PTPRD: variants seen among roughly 807,000 people sequenced by gnomAD.
The protein encoded by PTPRD is protein tyrosine phosphatase receptor type D, also known as receptor-type tyrosine-protein phosphatase delta.
Under a neutral mutation model 214.5 loss-of-function variants are expected in PTPRD, and 34 were observed. That is an observed-to-expected ratio of 0.16 (90% CI 0.12 to 0.21). PTPRD has a LOEUF of 0.21. PTPRD is among the 10% of genes least tolerant of loss of function. PTPRD has a pLI of 1.00. For synonymous variants in PTPRD, 1,128 were observed against 845.7 expected (o/e 1.33, Z -5.79); for missense variants, 2,545 against 2,398.7 (o/e 1.06, Z -1.27).
chr9:10,400,352 T>A (rs1188436053), intron 2 of PTPRD, among the ~76,000 whole-genome samples: 1 of 151,850 alleles, frequency 6.6e-6, no homozygotes, highest in Non-Finnish European at 1.5e-5. Context: ...TCATTTTCTC[T>A]AGTCAAGACA....
chr9:8,451,934 C>T (rs2095972392), intron 33 of PTPRD: 1 of 487,428 alleles, frequency 2.1e-6, no homozygotes, highest in South Asian at 1.5e-5. Context: ...TTCTTTTTCC[C>T]TGTGGCTGGG....
chr9:9,407,189 G>C (rs762021452), intron 8 of PTPRD, among the ~76,000 whole-genome samples: 6 of 151,676 alleles, frequency 4.0e-5, no homozygotes, highest in Non-Finnish European at 8.9e-5. Context: ...TCACCTAAAA[G>C]CATGTCTGTT....
intron 5 of PTPRD, among the ~76,000 whole-genome samples, chr9:9,814,861 A>G (rs2821483): frequency 0.57 from 81,905 of 144,404 alleles, 26,115 homozygotes; most frequent in East Asian, 0.89. Flanking sequence ...GTACAGTGGC[A>G]CGATCACGGT....
intron 34 of PTPRD, among the ~76,000 whole-genome samples, chr9:8,439,974 G>C (rs1370228095): frequency 1.3e-5 from 1 of 75,552 alleles, no homozygotes; most frequent in Non-Finnish European, 2.5e-5. Context: ...TTTGCAGGCT[G>C]TACACCAGAC....
chr9:8,594,548 C>G (rs1461630956), intron 14 of PTPRD, among the ~76,000 whole-genome samples: 4 of 152,020 alleles, frequency 2.6e-5, no homozygotes, highest in African/African-American at 4.8e-5. Flanking sequence ...CCCCACATGT[C>G]GAGGGAGGGA....
chr9:8,690,090 A>C (rs959594477), intron 12 of PTPRD, among the ~76,000 whole-genome samples: 1 of 149,674 alleles, frequency 6.7e-6, no homozygotes, highest in Admixed American at 6.7e-5. Context: ...CCTAGGAGTT[A>C]CAGCGAGACT....
At chr9:8,841,495 C>T (rs1033898117) in intron 11 of PTPRD, among the ~76,000 whole-genome samples, 1 of 151,736 alleles carries the variant, frequency 6.6e-6, no homozygotes, top group African/African-American at 2.4e-5. Flanking sequence ...TCTGAGCAAA[C>T]ATGAGATTAT....
At chr9:9,494,237 A>T (rs1425042022) in intron 8 of PTPRD, among the ~76,000 whole-genome samples, 1 of 152,248 alleles carries the variant, frequency 6.6e-6, no homozygotes, top group East Asian at 1.9e-4. Context: ...TATTTTTGAC[A>T]TGGCAACAAA....
intron 11 of PTPRD, among the ~76,000 whole-genome samples, chr9:8,926,682 G>A (rs1373945387): frequency 6.6e-6 from 1 of 152,108 alleles, no homozygotes; most frequent in Admixed American, 6.6e-5. Context: ...TATTCTGTCA[G>A]GATTTGTATT....
intron 7 of PTPRD, among the ~76,000 whole-genome samples, chr9:9,724,211 G>T (rs1205528318): frequency 6.6e-6 from 1 of 152,068 alleles, no homozygotes; most frequent in Non-Finnish European, 1.5e-5. Context: ...CTTTAAAGTT[G>T]TCTCTGTTTC....
chr9:8,854,061 G>C lies in PTPRD; in HGVS notation c.-103-120115C>G, dbSNP rs537150447. Among the ~76,000 whole-genome samples, 3 of 152,222 alleles carry C rather than the reference G, an allele frequency of 2.0e-5. No homozygotes were observed. The East Asian group carries it at 5.8e-4, about 29-fold the overall frequency. ...TCTATATTTAGCACTTCATATATCT[G>C]GGCATGTAATACAAATCCTGTATAT... is the stretch of plus-strand genomic sequence containing the variant. On this transcript the variant is annotated intron_variant, in intron 11 of 45. Transcript: ENST00000381196.
chr9:9,177,336 G>C (rs2099925521), intron 10 of PTPRD, among the ~76,000 whole-genome samples: 1 of 152,022 alleles, frequency 6.6e-6, no homozygotes, highest in South Asian at 2.1e-4. Flanking sequence ...GGATTATGGG[G>C]ATTATGGGGA....
At chr9:10,169,337 G>C (rs2099184159) in intron 3 of PTPRD, among the ~76,000 whole-genome samples, 1 of 151,562 alleles carries the variant, frequency 6.6e-6, no homozygotes. Flanking sequence ...AGCCGGGCGT[G>C]GTGGCGGGCA....
intron 12 of PTPRD, among the ~76,000 whole-genome samples, chr9:8,675,964 C>G (rs2097404050): frequency 6.6e-6 from 1 of 152,186 alleles, no homozygotes; most frequent in Non-Finnish European, 1.5e-5. Flanking sequence ...GGGATCAACT[C>G]CAACCCTCAG....
chr9:10,050,758 C>A (rs1266298846), intron 3 of PTPRD, among the ~76,000 whole-genome samples: 1 of 151,680 alleles, frequency 6.6e-6, no homozygotes, highest in African/African-American at 2.4e-5. Flanking sequence ...ATATCCTTAC[C>A]TTATTTTATT....
At chr9:10,508,389 G>T (rs566685695) in intron 2 of PTPRD, among the ~76,000 whole-genome samples, 1 of 152,152 alleles carries the variant, frequency 6.6e-6, no homozygotes, top group Non-Finnish European at 1.5e-5. Context: ...ACAGTGCGGC[G>T]ATTCCTCAGG....
At chr9:9,725,315 T>G (rs2098064735) in intron 7 of PTPRD, among the ~76,000 whole-genome samples, 1 of 28,586 alleles carries the variant, frequency 3.5e-5, no homozygotes, top group Non-Finnish European at 6.9e-5. Context: ...CTGCACAAGC[T>G]TTTTTTTTTT....
At chr9:8,958,671 G>A (rs913114497) in intron 11 of PTPRD, 3 of 151,944 alleles carry the variant, frequency 2.0e-5, no homozygotes, top group African/African-American at 7.2e-5. Flanking sequence ...AAGGAATTGA[G>A]CCTAGTTATT....
intron 10 of PTPRD, among the ~76,000 whole-genome samples, chr9:9,026,330 G>C (rs918350182): frequency 1.3e-5 from 2 of 151,944 alleles, no homozygotes; most frequent in African/African-American, 4.8e-5. Context: ...GTTTAAGACA[G>C]GTAAGAGAGG....
Sources: gnomAD v4.1 joint callset for allele counts (sites outside exome capture counted in the v4.1 genomes callset) on GRCh38, gnomAD v4.1.1 for gene constraint, MANE v1.5 for transcripts, NCBI Gene and HGNC (gene_info 2026-07-23, HGNC 2026-07-21) for gene names.